Variants in SH3PXD2A observed in about 807,000 individuals in gnomAD.
The protein encoded by SH3PXD2A is SH3 and PX domains 2A, also known as SH3 and PX domain-containing protein 2A.
A neutral mutation model predicts 115.2 loss-of-function variants in SH3PXD2A; 32 were observed. The ratio of observed to expected loss-of-function variants is 0.28; its 90% CI spans 0.21 to 0.37. The LOEUF (loss-of-function observed/expected upper bound fraction) is 0.37, where lower values mean the gene tolerates loss of function less well. Among genes scored for constraint, SH3PXD2A ranks in the 10% least tolerant of loss-of-function variants. The pLI, the probability that SH3PXD2A is intolerant of heterozygous loss-of-function variation, is 1.00. For missense variants in SH3PXD2A, 1,328 were observed against 1,498.7 expected (o/e 0.89, Z 1.88); for synonymous variants, 610 against 629.1 (o/e 0.97, Z 0.45).
chr10:103,673,934 C>T (rs559623499), intron 6 of SH3PXD2A, among the ~76,000 whole-genome samples: 95 of 152,320 alleles, frequency 6.2e-4, no homozygotes, highest in African/African-American at 2.2e-3. Flanking sequence ...GCCAGGGGCC[C>T]GATGGAATGA....
At position 103,779,068 on chromosome 10, in the gene SH3PXD2A, T is replaced by C. The variant is rs530880258; in HGVS notation, c.154-11899A>G. On this transcript the variant is annotated intron_variant, in intron 2 of 14. Transcript: ENST00000369774. ...GAACCTGAGGCATGGCTTCTTACTA[T>C]GTTTATGTTTTTGTTTTTGAGATGG... is the stretch of plus-strand genomic sequence containing the variant. 3.3e-5 allele frequency among the ~76,000 whole-genome samples: 5 copies of C among 152,220 alleles called. No individual in the cohort carries two copies. The East Asian group carries it at 9.7e-4, about 29-fold the overall frequency.
intron 1 of SH3PXD2A, among the ~76,000 whole-genome samples, chr10:103,852,369 C>T (rs1842904414): frequency 6.6e-6 from 1 of 152,270 alleles, no homozygotes; most frequent in African/African-American, 2.4e-5. Context: ...AGAACCTTTG[C>T]AGTGTGTTCC....
At chr10:103,840,396 A>C (rs1330088456) in intron 1 of SH3PXD2A, among the ~76,000 whole-genome samples, 1 of 151,800 alleles carries the variant, frequency 6.6e-6, no homozygotes, top group Non-Finnish European at 1.5e-5. Flanking sequence ...CACCAAGCCC[A>C]CCCCCTGCAG....
At chr10:103,802,820 G>A (rs938969950) in intron 1 of SH3PXD2A, among the ~76,000 whole-genome samples, 3 of 152,154 alleles carry the variant, frequency 2.0e-5, no homozygotes, top group Non-Finnish European at 2.9e-5. Flanking sequence ...CCGGGGGCAG[G>A]CTTCATAAAA....
chr10:103,701,482 A>G (rs1021357802), intron 5 of SH3PXD2A, among the ~76,000 whole-genome samples: 6 of 127,972 alleles, frequency 4.7e-5, no homozygotes, highest in Non-Finnish European at 9.8e-5. Flanking sequence ...TCCATCCATC[A>G]TCCATCCATC....
At chr10:103,736,133 C>G (rs1460256035) in intron 3 of SH3PXD2A, among the ~76,000 whole-genome samples, 1 of 152,226 alleles carries the variant, frequency 6.6e-6, no homozygotes, top group Non-Finnish European at 1.5e-5. Flanking sequence ...TCTCAAGTGA[C>G]CTTGCAAATC....
chr10:103,713,991 C>T (rs2038075568), intron 5 of SH3PXD2A, among the ~76,000 whole-genome samples: 1 of 152,186 alleles, frequency 6.6e-6, no homozygotes, highest in South Asian at 2.1e-4. Context: ...CATGAACACA[C>T]GCCTCCCACA....
rs562728938 is a variant in SH3PXD2A, at chr10:103,764,433, C to CCAAACCAGGAAAAAGA, written c.229+2645_229+2660dup. Among the ~76,000 whole-genome samples, 590 of 152,124 alleles carry CCAAACCAGGAAAAAGA rather than the reference C, an allele frequency of 3.9e-3. 7 individuals carry two copies. The highest frequency in any genetic ancestry group is 0.013 in the African/African-American group (547 of 41,448). ...TGCTGAAGCAAGGCAAGAAAAGAAG[C>CCAAACCAGGAAAAAGA]CAAACCAGGAAAAAGAAGGGCACAG... On this transcript the variant is annotated intron_variant, in intron 3 of 14. Coordinates refer to ENST00000369774, the MANE Select transcript of SH3PXD2A (RefSeq NM_001394015.1).
At chr10:103,629,309 C>A (rs2036744447) in intron 8 of SH3PXD2A, among the ~76,000 whole-genome samples, 1 of 152,220 alleles carries the variant, frequency 6.6e-6, no homozygotes, top group South Asian at 2.1e-4. Flanking sequence ...TGGGCAGCAG[C>A]CGCTGGCAGG....
chr10:103,728,889 G>GTTT lies in SH3PXD2A; in HGVS notation c.307-4531_307-4529dup, dbSNP rs199842369. The stretch of plus-strand genomic sequence containing the variant: ...TAGCAAAGAGTTGTTTTTTTTGTTT[G>GTTT]TTTGTTTGTTTTTTTTTTTTTGAGA... On this transcript the variant is annotated intron_variant, in intron 4 of 14. Coordinates refer to ENST00000369774, the MANE Select transcript of SH3PXD2A (RefSeq NM_001394015.1). Among the ~76,000 whole-genome samples, 295 of 142,822 alleles carry GTTT rather than the reference G, an allele frequency of 2.1e-3. 4 individuals carry two copies. The highest frequency in any genetic ancestry group is 7.5e-3 in the African/African-American group (280 of 37,380). The allele number at this position is 142,822 out of a possible 152,430, so 93.7% of individuals were successfully genotyped here.
At chr10:103,789,224 C>A (rs569047774) in intron 2 of SH3PXD2A, among the ~76,000 whole-genome samples, 3 of 152,144 alleles carry the variant, frequency 2.0e-5, no homozygotes, top group Non-Finnish European at 4.4e-5. Context: ...GGCCCCAGAT[C>A]GAAGCTGCCC....
chr10:103,653,467 C>T (rs953099416), intron 8 of SH3PXD2A, among the ~76,000 whole-genome samples: 2 of 152,180 alleles, frequency 1.3e-5, no homozygotes, highest in East Asian at 1.9e-4. Flanking sequence ...GGCTGCATGC[C>T]ACACCGAGGC....
intron 3 of SH3PXD2A, among the ~76,000 whole-genome samples, chr10:103,763,307 C>T (rs973740231): frequency 7.9e-5 from 12 of 152,186 alleles, no homozygotes; most frequent in Admixed American, 2.0e-4. Flanking sequence ...AAGCACATCC[C>T]GCAGACTCCA....
chr10:103,802,545 G>C (rs1043344518), intron 1 of SH3PXD2A, among the ~76,000 whole-genome samples: 1 of 152,180 alleles, frequency 6.6e-6, no homozygotes, highest in Non-Finnish European at 1.5e-5. Flanking sequence ...ACACAATCTG[G>C]CCTGCTCTTC....
chr10:103,769,363 A>G (rs945098485), intron 2 of SH3PXD2A, among the ~76,000 whole-genome samples: 1 of 152,044 alleles, frequency 6.6e-6, no homozygotes, highest in Admixed American at 6.5e-5. Flanking sequence ...AGACTGCAGC[A>G]TGATTAACTT....
At chr10:103,801,487 C>T in intron 1 of SH3PXD2A, 125 bp from the exon 2 acceptor site, 1 of 618,310 alleles carries the variant, frequency 1.6e-6, no homozygotes, top group Non-Finnish European at 3.0e-6. Flanking sequence ...CTCATCTGTC[C>T]CTAGGGGCTA....
chr10:103,695,416 G>C (rs1425089899), intron 5 of SH3PXD2A, among the ~76,000 whole-genome samples: 1 of 151,936 alleles, frequency 6.6e-6, no homozygotes, highest in Non-Finnish European at 1.5e-5. Flanking sequence ...GCTGAGGTGG[G>C]AGGATTGCTT....
intron 8 of SH3PXD2A, among the ~76,000 whole-genome samples, chr10:103,659,319 G>A (rs1412386350): frequency 6.6e-6 from 1 of 152,214 alleles, no homozygotes; most frequent in Non-Finnish European, 1.5e-5. Flanking sequence ...GCTATGGTGT[G>A]ACAGGCAGGC....
At position 103,603,575 on chromosome 10, in the gene SH3PXD2A, G is replaced by T; in HGVS notation, c.1643C>A (p.Pro548Gln). ...AGGCTCCTCATACTTGAGCTTCCGCGGGGAGTCCTGGCTCTCACTGGCCCC... is the reference window on the plus strand; with the variant it reads ...AGGCTCCTCATACTTGAGCTTCCGCTGGGAGTCCTGGCTCTCACTGGCCCC... ...PTGASESQDS[P>Q]RKLKYEEPEY... is the part of the protein sequence containing the mutation. Residue 548 changes from proline to glutamine, a missense_variant, in exon 15 of 15, where the codon CCG (proline) becomes CAG (glutamine). Physicochemically the swap from Pro to Gln is moderately conservative, Grantham distance 76. Coordinates refer to ENST00000369774, the MANE Select transcript of SH3PXD2A (RefSeq NM_001394015.1). The T allele has an allele frequency of 6.2e-7, 1 of 1,610,530 alleles. No individual in the cohort carries two copies. The highest frequency in any genetic ancestry group is 1.1e-5 in the South Asian group (1 of 90,350).
Sources: gnomAD v4.1 joint callset for allele counts (sites outside exome capture counted in the v4.1 genomes callset) on GRCh38, gnomAD v4.1.1 for gene constraint, MANE v1.5 for transcripts, NCBI Gene and HGNC (gene_info 2026-07-23, HGNC 2026-07-21) for gene names.